The following PRDM10 variants were observed in gnomAD, a reference collection of about 807,000 sequenced individuals.
PRDM10 encodes PR domain zinc finger protein 10.
A neutral mutation model predicts 133.1 loss-of-function variants in PRDM10; 65 were observed. The ratio of observed to expected loss-of-function variants is 0.49; its 90% confidence interval spans 0.40 to 0.60. PRDM10 has a LOEUF of 0.60. PRDM10 is among the 20% of genes least tolerant of loss of function. The probability of loss-of-function intolerance (pLI) is 0.00; values close to 1 mark genes in which losing one functional copy is unlikely to be tolerated. For synonymous variants in PRDM10, 582 were observed against 580.4 expected (o/e 1.00, Z -0.04); for missense variants, 1,137 against 1,507.1 (o/e 0.75, Z 4.07).
chr11:129,988,730 C>T (rs548025257), intron 1 of PRDM10, among the ~76,000 whole-genome samples: 79 of 152,042 alleles, frequency 5.2e-4, no homozygotes, highest in African/African-American at 1.8e-3. Context: ...CCCAGGTTCA[C>T]GCCATTCTCC....
chr11:129,971,637 T>C (rs542814401), intron 1 of PRDM10, among the ~76,000 whole-genome samples: 1 of 137,736 alleles, frequency 7.3e-6, no homozygotes, highest in South Asian at 2.2e-4. Flanking sequence ...AGCAGCTAGA[T>C]ACAGAGTGTC....
chr11:129,959,053 C>T (rs1591662831), intron 2 of PRDM10, among the ~76,000 whole-genome samples: 2 of 152,206 alleles, frequency 1.3e-5, no homozygotes, highest in East Asian at 1.9e-4. Context: ...ATCGAAGTCA[C>T]GCACTCTTAG....
At chr11:129,950,165 A>T (rs1951546281) in intron 4 of PRDM10, among the ~76,000 whole-genome samples, 1 of 151,340 alleles carries the variant, frequency 6.6e-6, no homozygotes, top group Admixed American at 6.6e-5. Context: ...TGAGCCCAGG[A>T]GGTTGAGGCT....
chr11:129,907,130 A>G (rs562328508), intron 19 of PRDM10, among the ~76,000 whole-genome samples: 1 of 152,302 alleles, frequency 6.6e-6, no homozygotes, highest in Admixed American at 6.5e-5. Flanking sequence ...CACACCAGCT[A>G]TGAAGTATCA....
intron 1 of PRDM10, among the ~76,000 whole-genome samples, chr11:129,983,310 T>C (rs1035384497): frequency 6.7e-6 from 1 of 149,920 alleles, no homozygotes; most frequent in African/African-American, 2.5e-5. Flanking sequence ...TTTTTTTTTT[T>C]TTTAGACGGA....
chr11:129,968,339 G>C (rs1280302817), intron 1 of PRDM10, among the ~76,000 whole-genome samples: 1 of 152,124 alleles, frequency 6.6e-6, no homozygotes, highest in Non-Finnish European at 1.5e-5. Flanking sequence ...CAAACTGTGG[G>C]CTCTCTCCCT....
At chr11:129,987,426 A>G (rs1198314607) in intron 1 of PRDM10, among the ~76,000 whole-genome samples, 4 of 152,246 alleles carry the variant, frequency 2.6e-5, no homozygotes, top group African/African-American at 9.6e-5. Context: ...ACCCTCATAC[A>G]CTACTGGTGA....
chr11:130,002,348 G>A (rs1326706828), intron 1 of PRDM10, among the ~76,000 whole-genome samples: 1 of 152,022 alleles, frequency 6.6e-6, no homozygotes, highest in Non-Finnish European at 1.5e-5. Flanking sequence ...GGCTGCGCGC[G>A]GCGAAGGCAG....
chr11:129,910,436 C>T (rs1451802276), intron 19 of PRDM10, 40 bp downstream of exon 19: 1 of 1,611,264 alleles, frequency 6.2e-7, no homozygotes, highest in Non-Finnish European at 8.5e-7. Flanking sequence ...CTGGAGATCC[C>T]CCACCCCTGA....
chr11:130,000,322 C>A (rs1939281236), intron 1 of PRDM10, among the ~76,000 whole-genome samples: 1 of 152,308 alleles, frequency 6.6e-6, no homozygotes, highest in East Asian at 1.9e-4. Context: ...GGATTACAGG[C>A]ATGAGCCACA....
chr11:129,938,305 G>A (rs906450707), intron 7 of PRDM10, among the ~76,000 whole-genome samples: 2 of 152,130 alleles, frequency 1.3e-5, no homozygotes, highest in African/African-American at 2.4e-5. Context: ...TTGACTGGAT[G>A]TTTTAGATGT....
At chr11:129,958,479 T>C (rs1370629148) in intron 2 of PRDM10, among the ~76,000 whole-genome samples, 1 of 151,692 alleles carries the variant, frequency 6.6e-6, no homozygotes, top group Non-Finnish European at 1.5e-5. Flanking sequence ...CTGTCTCTAC[T>C]AAAAAAATAC....
chr11:129,932,059 C>T, intron 10 of PRDM10, 43 bp downstream of exon 10: 1 of 1,592,852 alleles, frequency 6.3e-7, no homozygotes, highest in Non-Finnish European at 8.6e-7. Context: ...GGCGAGTCCT[C>T]CACACAAGCA....
At chr11:129,994,690 C>T (rs192969321) in intron 1 of PRDM10, among the ~76,000 whole-genome samples, 34 of 152,136 alleles carry the variant, frequency 2.2e-4, no homozygotes, top group Non-Finnish European at 4.6e-4. Flanking sequence ...CTCGCTCTGA[C>T]GCCCAGGCTG....
chr11:129,977,723 G>A (rs933483111), intron 1 of PRDM10, among the ~76,000 whole-genome samples: 2 of 152,198 alleles, frequency 1.3e-5, no homozygotes, highest in African/African-American at 2.4e-5. Flanking sequence ...GGGAGCATGA[G>A]GAGGGTGGAT....
chr11:129,937,779 C>G (rs1216723483), intron 7 of PRDM10, 109 bp from the exon 8 acceptor site: 1 of 904,756 alleles, frequency 1.1e-6, no homozygotes, highest in Admixed American at 2.8e-5. Context: ...TTTCCACAGC[C>G]CATTAACAAT....
chr11:129,945,677 T>A lies in PRDM10; in HGVS notation c.521-665A>T, dbSNP rs1951383199. On this transcript the variant is annotated intron_variant, in intron 5 of 20. Coordinates refer to ENST00000360871, the MANE Select transcript of PRDM10 (RefSeq NM_199437.2). This position sits in a 1 kb window ranked among gnomAD's most constrained non-coding sequence, Gnocchi z 4.2. ...CCAGTCCGGCCACACGCCCTGCCTCTTTGCCAGGAGCACCCACCTGTAAGC... is the reference window on the plus strand; with the variant it reads ...CCAGTCCGGCCACACGCCCTGCCTCATTGCCAGGAGCACCCACCTGTAAGC... 6.6e-6 allele frequency among the ~76,000 whole-genome samples: 1 copy of A among 152,116 alleles called. No homozygotes were observed. The highest frequency in any genetic ancestry group is 2.4e-5 in the African/African-American group (1 of 41,404).
At chr11:129,919,303 G>T (rs1407550046) in intron 13 of PRDM10, among the ~76,000 whole-genome samples, 1 of 152,294 alleles carries the variant, frequency 6.6e-6, no homozygotes, top group Middle Eastern at 3.4e-3. Flanking sequence ...GGAGGTGGAG[G>T]CTGCACTGAG....
intron 7 of PRDM10, among the ~76,000 whole-genome samples, chr11:129,938,766 C>T (rs147332528): frequency 1.7e-3 from 258 of 152,306 alleles, no homozygotes; most frequent in African/African-American, 4.6e-3. Context: ...ATGCAGGCAA[C>T]GGCTTCTCGT....
Sources: gnomAD v4.1 joint callset for allele counts (sites outside exome capture counted in the v4.1 genomes callset) on GRCh38, gnomAD v4.1.1 for gene constraint, Gnocchi (gnomAD v3.1) non-coding constraint, MANE v1.5 for transcripts, NCBI Gene and HGNC (gene_info 2026-07-23, HGNC 2026-07-21) for gene names.